Variants in FRMPD4 observed in about 807,000 individuals in gnomAD.
The protein encoded by FRMPD4 is FERM and PDZ domain containing 4.
Under a neutral mutation model 94.1 loss-of-function variants are expected in FRMPD4, and 22 were observed. The observed-to-expected ratio is 0.23, with a 90% CI of 0.17 to 0.33. FRMPD4 has a LOEUF of 0.33. Among genes scored for constraint, FRMPD4 ranks in the 10% least tolerant of loss-of-function variants. The pLI is 1.00. For synonymous variants in FRMPD4, 631 were observed against 548.6 expected (o/e 1.15, Z -2.10); for missense variants, 1,111 against 1,339.9 (o/e 0.83, Z 2.67).
At chrX:12,460,585 A>T (rs2057381002) in intron 1 of FRMPD4, among the ~76,000 whole-genome samples, 1 of 112,465 alleles carries the variant, frequency 8.9e-6, no homozygotes, top group Non-Finnish European at 1.9e-5. Flanking sequence ...GAAGCAGCTG[A>T]AGTACTGCTG....
intron 1 of FRMPD4, among the ~76,000 whole-genome samples, chrX:12,295,959 C>T (rs2054765618): frequency 9.0e-6 from 1 of 111,080 alleles, no homozygotes; most frequent in Non-Finnish European, 1.9e-5. Context: ...GTTAAAAACC[C>T]TTTCCTTTAG....
intron 2 of FRMPD4, among the ~76,000 whole-genome samples, chrX:12,546,678 G>T (rs1344181302): frequency 9.0e-6 from 1 of 111,212 alleles, no homozygotes; most frequent in East Asian, 2.8e-4. Context: ...AGCTGTAGTT[G>T]GGAATACAAA....
At chrX:12,053,416 A>AAGAG (rs1308471747) in intron 3 of FRMPD4, among the ~76,000 whole-genome samples, 4 of 99,075 alleles carry the variant, frequency 4.0e-5, no homozygotes, top group Non-Finnish European at 8.2e-5. Context: ...GAAAGAAAGA[A>AAGAG]AGAAAGAAAG....
At chrX:12,520,427 G>A (rs1370697011) in intron 2 of FRMPD4, among the ~76,000 whole-genome samples, 1 of 111,605 alleles carries the variant, frequency 9.0e-6, no homozygotes, top group African/African-American at 3.3e-5. Context: ...AAAAAGTTCT[G>A]GAGATCTGTT....
intron 13 of FRMPD4, 48 bp from the exon 14 acceptor site, chrX:12,710,351 T>C (rs769101593): frequency 2.2e-5 from 23 of 1,061,551 alleles, no homozygotes; most frequent in South Asian, 2.0e-4. Flanking sequence ...ACTCCAGGGA[T>C]GTTATTAAGA....
chrX:12,645,585 C>T (rs1330247802), intron 4 of FRMPD4, among the ~76,000 whole-genome samples: 3 of 109,833 alleles, frequency 2.7e-5, no homozygotes, highest in Non-Finnish European at 3.8e-5. Flanking sequence ...GAGCTTCCGA[C>T]CTCAGGTGAT....
At chrX:11,866,153 A>G (rs1341173071) in intron 2 of FRMPD4, among the ~76,000 whole-genome samples, 1 of 111,598 alleles carries the variant, frequency 9.0e-6, no homozygotes, top group Non-Finnish European at 1.9e-5. Context: ...CTTATAGGGA[A>G]TCCTGTTGGC....
At chrX:12,272,809 C>T (rs2054374231) in intron 1 of FRMPD4, among the ~76,000 whole-genome samples, 1 of 111,867 alleles carries the variant, frequency 8.9e-6, no homozygotes, top group Non-Finnish European at 1.9e-5. Flanking sequence ...GTGGCTCACA[C>T]CTGTAATCCT....
chrX:11,982,760 A>G (rs1168472734), intron 3 of FRMPD4, among the ~76,000 whole-genome samples: 1 of 111,942 alleles, frequency 8.9e-6, no homozygotes, highest in East Asian at 2.8e-4. Flanking sequence ...TTGTTTTTCA[A>G]ATCTGTTTCA....
chrX:12,654,191 G>A (rs1263687543), intron 4 of FRMPD4, among the ~76,000 whole-genome samples: 1 of 112,301 alleles, frequency 8.9e-6, no homozygotes, highest in Non-Finnish European at 1.9e-5. Context: ...TCTAAAAGGA[G>A]AGTAAAACCT....
At chrX:11,923,225 C>T (rs999286204) in intron 3 of FRMPD4, among the ~76,000 whole-genome samples, 2 of 113,086 alleles carry the variant, frequency 1.8e-5, no homozygotes, top group African/African-American at 6.4e-5. Context: ...ACTACCAACT[C>T]CTATTGCAGA....
At chrX:12,163,678 C>G (rs1352968136) in intron 1 of FRMPD4, among the ~76,000 whole-genome samples, 1 of 112,011 alleles carries the variant, frequency 8.9e-6, no homozygotes, top group Non-Finnish European at 1.9e-5. Flanking sequence ...CTTCATGGGG[C>G]TCAGCATGTG....
chrX:12,066,011 A>G (rs891955553), intron 3 of FRMPD4, among the ~76,000 whole-genome samples: 2 of 112,104 alleles, frequency 1.8e-5, no homozygotes, highest in African/African-American at 6.5e-5. Context: ...TATTGGGTTA[A>G]ATATGAGAAA....
chrX:11,920,353 T>A (rs1433776022), intron 3 of FRMPD4, among the ~76,000 whole-genome samples: 1 of 112,202 alleles, frequency 8.9e-6, no homozygotes, highest in Non-Finnish European at 1.9e-5. Flanking sequence ...TGAACATTTC[T>A]TCTTGCCTGC....
intron 3 of FRMPD4, among the ~76,000 whole-genome samples, chrX:12,132,190 A>C (rs2055558168): frequency 9.1e-6 from 1 of 110,062 alleles, no homozygotes; most frequent in African/African-American, 3.3e-5. Flanking sequence ...TCTATTTTGG[A>C]GGTAGATCTG....
chrX:12,163,236 G>C (rs2056054372), intron 1 of FRMPD4, among the ~76,000 whole-genome samples: 1 of 110,727 alleles, frequency 9.0e-6, no homozygotes, highest in African/African-American at 3.3e-5. Flanking sequence ...ATATTTGTTG[G>C]TGAGATTTTT....
intron 3 of FRMPD4, among the ~76,000 whole-genome samples, chrX:12,061,016 G>T (rs899679048): frequency 3.6e-5 from 4 of 112,277 alleles, no homozygotes; most frequent in Non-Finnish European, 7.5e-5. Context: ...CAAGTTCTTG[G>T]TTGGGGCCTC....
At chrX:12,551,054 G>T (rs2058532099) in intron 2 of FRMPD4, among the ~76,000 whole-genome samples, 1 of 110,501 alleles carries the variant, frequency 9.0e-6, no homozygotes, top group African/African-American at 3.3e-5. Flanking sequence ...TGATAAATAT[G>T]TATAGTTTTC....
At chrX:12,508,094 A>G (rs775870673) in intron 2 of FRMPD4, among the ~76,000 whole-genome samples, 9 of 112,560 alleles carry the variant, frequency 8.0e-5, no homozygotes, top group Non-Finnish European at 1.3e-4. Flanking sequence ...ACTTTCAAAA[A>G]GTTAATTGTC....
Sources: gnomAD v4.1 joint callset for allele counts (sites outside exome capture counted in the v4.1 genomes callset) on GRCh38, gnomAD v4.1.1 for gene constraint, MANE v1.5 for transcripts, NCBI Gene and HGNC (gene_info 2026-07-23, HGNC 2026-07-21) for gene names.